Variants in NBAS observed in about 807,000 individuals in gnomAD.
NBAS encodes NAG/BC035112 fusion.
A neutral mutation model predicts 302.5 loss-of-function variants in NBAS; 219 were observed. The ratio of observed to expected loss-of-function variants is 0.72; its 90% CI spans 0.65 to 0.81. NBAS has a LOEUF of 0.81. NBAS is among the 30% of genes least tolerant of loss of function. The pLI, the probability that NBAS is intolerant of heterozygous loss-of-function variation, is 0.00. For missense variants in NBAS, 2,932 were observed against 2,841.6 expected (o/e 1.03, Z -0.72); for synonymous variants, 1,118 against 1,021.6 (o/e 1.09, Z -1.80).
the NBAS span, among the ~76,000 whole-genome samples, chr2:15,143,002 C>G: frequency 2.6e-5 from 4 of 152,312 alleles, no homozygotes; most frequent in East Asian, 7.7e-4. Flanking sequence ...GCAAAAGAAA[C>G]AAACTGGTCC....
intron 9 of NBAS, among the ~76,000 whole-genome samples, chr2:15,521,405 A>G (rs980317077): frequency 1.3e-5 from 2 of 152,182 alleles, no homozygotes; most frequent in Non-Finnish European, 2.9e-5. Context: ...CCTAGCTCTT[A>G]CGTTTTAATT....
chr2:15,307,975 TG>T (rs1191751044), intron 40 of NBAS, among the ~76,000 whole-genome samples: 2 of 152,130 alleles, frequency 1.3e-5, no homozygotes, highest in East Asian at 3.9e-4. Flanking sequence ...ATTAAGTAAA[TG>T]AGTAAATTAA....
At chr2:15,079,747 C>T in the NBAS span, among the ~76,000 whole-genome samples, 9 of 152,148 alleles carry the variant, frequency 5.9e-5, no homozygotes, top group Non-Finnish European at 1.3e-4. Context: ...ATTGGTCCTC[C>T]TTGTGCCACT....
rs79301554 is a variant in NBAS at position 15,410,317 on chromosome 2, T to C, written c.2937+5229A>G. 5.0e-3 allele frequency among the ~76,000 whole-genome samples: 764 copies of C among 152,338 alleles called. 9 individuals are homozygous for C. Among genetic ancestry groups the C allele is most frequent in the African/African-American group, 0.018 (742 of 41,572 alleles). On this transcript the variant is annotated intron_variant, in intron 25 of 51. Coordinates refer to ENST00000281513, the MANE Select transcript of NBAS (RefSeq NM_015909.4). ...GTGATTTTGATTAAGAGAAACTAAA[T>C]GTAGCCCAAACAATTCCCAAGTGTT...
At chr2:15,081,058 T>A in the NBAS span, among the ~76,000 whole-genome samples, 210 of 152,224 alleles carry the variant, frequency 1.4e-3, no homozygotes, top group African/African-American at 3.6e-3. Flanking sequence ...TCCTGAATTA[T>A]TTCTGTCTCT....
At chr2:14,971,926 G>C in the NBAS span, among the ~76,000 whole-genome samples, 1 of 152,160 alleles carries the variant, frequency 6.6e-6, no homozygotes, top group Non-Finnish European at 1.5e-5. Context: ...GGTGGTTCTT[G>C]TATCTCCATC....
chr2:15,119,561 G>A, the NBAS span, among the ~76,000 whole-genome samples: 18 of 152,162 alleles, frequency 1.2e-4, no homozygotes, highest in South Asian at 2.1e-4. Context: ...AGATGGTCTC[G>A]ATCTCCTGAC....
chr2:14,942,858 T>C, the NBAS span, among the ~76,000 whole-genome samples: 6 of 152,220 alleles, frequency 3.9e-5, no homozygotes, highest in African/African-American at 1.4e-4. Context: ...AAAGTATTGT[T>C]AGAAGTGTAG....
the NBAS span, among the ~76,000 whole-genome samples, chr2:15,155,248 T>G: frequency 1.3e-5 from 2 of 152,208 alleles, no homozygotes; most frequent in African/African-American, 4.8e-5. Context: ...GAGAAAAATA[T>G]GTATGTCAAG....
chr2:15,021,783 C>T, the NBAS span, among the ~76,000 whole-genome samples: 1 of 152,166 alleles, frequency 6.6e-6, no homozygotes, highest in South Asian at 2.1e-4. Flanking sequence ...TTCCCAAGAA[C>T]CATAGGCTTG....
chr2:15,015,920 A>G, the NBAS span, among the ~76,000 whole-genome samples: 2 of 152,188 alleles, frequency 1.3e-5, no homozygotes, highest in African/African-American at 4.8e-5. Flanking sequence ...TGATAAACAA[A>G]TTCAGTAAAG....
the NBAS span, among the ~76,000 whole-genome samples, chr2:14,815,649 C>T: frequency 1.3e-5 from 2 of 152,184 alleles, no homozygotes; most frequent in Non-Finnish European, 2.9e-5. Context: ...ATTGCTAGTG[C>T]CCAAATCTTA....
intron 51 of NBAS, among the ~76,000 whole-genome samples, chr2:15,173,822 C>T (rs149982552): frequency 1.7e-4 from 26 of 152,350 alleles, no homozygotes; most frequent in Non-Finnish European, 1.8e-4. Flanking sequence ...CTGTACCTAC[C>T]TCCTTGCTAC....
At chr2:14,874,406 C>T in the NBAS span, among the ~76,000 whole-genome samples, 1 of 149,332 alleles carries the variant, frequency 6.7e-6, no homozygotes, top group African/African-American at 2.5e-5. Context: ...GTGGGCAGAT[C>T]ACGAGGTCAG....
At chr2:14,894,372 A>G in the NBAS span, among the ~76,000 whole-genome samples, 9 of 152,160 alleles carry the variant, frequency 5.9e-5, no homozygotes, top group Non-Finnish European at 1.2e-4. Flanking sequence ...GGATGTTTTT[A>G]ATAACAAAAT....
the NBAS span, among the ~76,000 whole-genome samples, chr2:14,887,410 A>AAAAGAAAGAAAAAG: frequency 3.3e-4 from 50 of 150,674 alleles, 1 homozygote; most frequent in South Asian, 1.3e-3. Flanking sequence ...AAAAAAAAAA[A>AAAAGAAAGAAAAAG]AAAAAGATAG....
chr2:14,797,109 A>AC, the NBAS span, among the ~76,000 whole-genome samples: 2 of 149,790 alleles, frequency 1.3e-5, no homozygotes, highest in African/African-American at 4.9e-5. Context: ...AAAAAAAAAA[A>AC]AAAAACCAAA....
the NBAS span, among the ~76,000 whole-genome samples, chr2:15,091,293 A>AGCTGACCCTCGAACAACACG: frequency 6.6e-6 from 1 of 151,910 alleles, no homozygotes; most frequent in South Asian, 2.1e-4. Context: ...CACTTCATAC[A>AGCTGACCCTCGAACAACACG]GTTTGAACTG....
the NBAS span, among the ~76,000 whole-genome samples, chr2:14,907,961 A>G: frequency 1.3e-5 from 2 of 152,232 alleles, no homozygotes; most frequent in African/African-American, 4.8e-5. Flanking sequence ...TTCTCCAAGT[A>G]TCCTCTCCGA....
Sources: gnomAD v4.1 joint callset for allele counts (sites outside exome capture counted in the v4.1 genomes callset) on GRCh38, gnomAD v4.1.1 for gene constraint, MANE v1.5 for transcripts, NCBI Gene and HGNC (gene_info 2026-07-23, HGNC 2026-07-21) for gene names.